ZRANB3: variants seen among roughly 807,000 people sequenced by gnomAD.
ZRANB3 encodes the protein zinc finger RANBP2-type containing 3.
Under a neutral mutation model 133.8 loss-of-function variants are expected in ZRANB3, and 125 were observed. The observed-to-expected ratio is 0.93, with a 90% confidence interval of 0.81 to 1.08. ZRANB3 has a LOEUF of 1.08. ZRANB3 is among the 50% of genes least tolerant of loss of function. ZRANB3 has a pLI of 0.00. For missense variants in ZRANB3, 1,229 were observed against 1,275.5 expected, an observed-to-expected ratio of 0.96 and a Z score of 0.56; for synonymous variants, 387 against 432.7, an observed-to-expected ratio of 0.89 and a Z score of 1.31.
intron 12 of ZRANB3, among the ~76,000 whole-genome samples, chr2:135,245,613 G>C (rs1262439438): frequency 6.6e-6 from 1 of 151,570 alleles, no homozygotes; most frequent in African/African-American, 2.4e-5. Flanking sequence ...CACCATGCCT[G>C]GCTAATTTTT....
intron 2 of ZRANB3, among the ~76,000 whole-genome samples, chr2:135,418,925 C>CTTT (rs769271961): frequency 0.013 from 1,134 of 85,968 alleles, 90 homozygotes; most frequent in East Asian, 0.064. Flanking sequence ...AGGATTCTCT[C>CTTT]TTTTTTTTTT....
rs150725806 is a variant in ZRANB3, at chr2:135,493,922, A to G, written c.161+10407T>C. ...AATAATTGTGACATATTCAGAGGTA[A>G]AACAACATAGATGAAATTGCTAAAA... On this transcript the variant is annotated intron_variant, in intron 2 of 20. Coordinates refer to ENST00000264159, the MANE Select transcript of ZRANB3 (RefSeq NM_032143.4). 3.0e-3 allele frequency among the ~76,000 whole-genome samples: 452 copies of G among 152,316 alleles called. 3 individuals are homozygous for G. The highest frequency in any genetic ancestry group is 0.01 in the African/African-American group (421 of 41,576).
At chr2:135,291,536 G>A (rs1681731496) in intron 8 of ZRANB3, among the ~76,000 whole-genome samples, 1 of 151,246 alleles carries the variant, frequency 6.6e-6, no homozygotes, top group African/African-American at 2.4e-5. Flanking sequence ...ACTTCTTGGA[G>A]GCTATGTTCA....
intron 1 of ZRANB3, among the ~76,000 whole-genome samples, chr2:135,522,789 G>A (rs1465626390): frequency 6.6e-6 from 1 of 152,226 alleles, no homozygotes; most frequent in Non-Finnish European, 1.5e-5. Context: ...CTTGTGACAT[G>A]TAGTAAAGAA....
chr2:135,249,524 A>G (rs1271646875), intron 12 of ZRANB3, among the ~76,000 whole-genome samples: 1 of 152,236 alleles, frequency 6.6e-6, no homozygotes, highest in African/African-American at 2.4e-5. Context: ...GTTCTCACTT[A>G]TAAGTGTGAT....
At chr2:135,226,602 A>G (rs57829242) in intron 14 of ZRANB3, among the ~76,000 whole-genome samples, 47,153 of 152,136 alleles carry the variant, frequency 0.31, 11,315 homozygotes, top group African/African-American at 0.66. Flanking sequence ...TTTTTAAAAA[A>G]CATTTGTAAG....
intron 13 of ZRANB3, among the ~76,000 whole-genome samples, chr2:135,229,190 C>T (rs1187198605): frequency 6.6e-6 from 1 of 152,092 alleles, no homozygotes; most frequent in African/African-American, 2.4e-5. Context: ...AATATAACCA[C>T]TCAGAGGGCA....
At chr2:135,431,420 T>G (rs1689319139) in intron 2 of ZRANB3, among the ~76,000 whole-genome samples, 1 of 151,776 alleles carries the variant, frequency 6.6e-6, no homozygotes, top group Admixed American at 6.6e-5. Flanking sequence ...ATATGTATCT[T>G]TGTGATCTTG....
chr2:135,407,660 A>G (rs1282940033), intron 2 of ZRANB3, among the ~76,000 whole-genome samples: 1 of 151,946 alleles, frequency 6.6e-6, no homozygotes, highest in Non-Finnish European at 1.5e-5. Flanking sequence ...GACCTCAGAA[A>G]TAATGCCGAA....
At chr2:135,313,766 C>T (rs933665728) in intron 7 of ZRANB3, among the ~76,000 whole-genome samples, 161 bp from the exon 8 acceptor site, 48 of 152,242 alleles carry the variant, frequency 3.2e-4, no homozygotes, top group Middle Eastern at 3.4e-3. Context: ...AACATCAATG[C>T]AGAGGTAGGT....
chr2:135,297,959 T>A (rs1682227676), intron 8 of ZRANB3, among the ~76,000 whole-genome samples: 1 of 152,188 alleles, frequency 6.6e-6, no homozygotes, highest in African/African-American at 2.4e-5. Flanking sequence ...CTGGGCTTGG[T>A]AGCTCACGCC....
In ZRANB3 at chr2:135,321,237, C is replaced by T. The variant is rs569854504; in HGVS notation, c.678-5707G>A. Among the ~76,000 whole-genome samples, 245 of 152,232 alleles carry T rather than the reference C, an allele frequency of 1.6e-3. 2 individuals are homozygous for T. The highest frequency in any genetic ancestry group is 3.4e-3 in the Middle Eastern group (1 of 294). Reference sequence around the variant, plus strand: ...CCAAAGTGGTTGAACATTTTGCATTCCCAGCAGCAATGTAAGCAATGTAAT... The same window carrying T: ...CCAAAGTGGTTGAACATTTTGCATTTCCAGCAGCAATGTAAGCAATGTAAT... On this transcript the variant is annotated intron_variant, in intron 6 of 20. Coordinates refer to ENST00000264159, the MANE Select transcript of ZRANB3 (RefSeq NM_032143.4).
At chr2:135,285,726 C>T (rs1681324859) in intron 8 of ZRANB3, among the ~76,000 whole-genome samples, 1 of 152,178 alleles carries the variant, frequency 6.6e-6, no homozygotes, top group African/African-American at 2.4e-5. Context: ...AAATAACTGG[C>T]ATTTCTCCCA....
At chr2:135,530,438 T>G (rs1694476746) in intron 1 of ZRANB3, 1 of 152,158 alleles carries the variant, frequency 6.6e-6, no homozygotes, top group African/African-American at 2.4e-5. Context: ...CACTCTTTCT[T>G]AAAATGCCAT....
Position 135,275,661 on chromosome 2 carries a change from C to T in ZRANB3, c.1061G>A (p.Cys354Tyr). 1 of 1,597,448 alleles carries T rather than the reference C, an allele frequency of 6.3e-7. No homozygotes were observed. Among genetic ancestry groups the T allele is most frequent in the Non-Finnish European group, 8.5e-7 (1 of 1,172,522 alleles). The part of the protein sequence containing the change: ...FAHHLSMLQA[C>Y]TEAVIENKTR... The stretch of plus-strand genomic sequence containing the variant: ...CTTATTTTCGATGACTGCTTCTGTG[C>T]AAGCTTGGAGCATGCTTAAATGGTG... The change falls in exon 9 of 21, where the codon TGC becomes TAC. Residue 354 changes from cysteine to tyrosine, a missense_variant. Physicochemically the swap from Cys to Tyr is radical, Grantham distance 194 (BLOSUM62 -2). Transcript: ENST00000264159.
At position 135,260,106 on chromosome 2, in the gene ZRANB3, C is replaced by T. The variant is rs55844070; in HGVS notation, c.1539+5428G>A. ...CCACTCAGCTTGCTTTATTCAGAAACAGCCTTTCGTTGCTTAGAAATAACA... is the reference window on the plus strand; with the variant it reads ...CCACTCAGCTTGCTTTATTCAGAAATAGCCTTTCGTTGCTTAGAAATAACA... On this transcript the variant is annotated intron_variant, in intron 12 of 20. Coordinates refer to ENST00000264159, the MANE Select transcript of ZRANB3 (RefSeq NM_032143.4). Among the ~76,000 whole-genome samples the T allele has an allele frequency of 4.0e-3, 613 of 152,302 alleles. 5 individuals carry two copies. The highest frequency in any genetic ancestry group is 0.014 in the African/African-American group (581 of 41,556).
chr2:135,321,473 G>GT lies in ZRANB3; in HGVS notation c.678-5944_678-5943insA, dbSNP rs1558915065. Among the ~76,000 whole-genome samples, 407 of 141,024 alleles carry GT rather than the reference G, an allele frequency of 2.9e-3. 3 individuals carry two copies. Among genetic ancestry groups the GT allele is most frequent in the African/African-American group, 0.011 (377 of 34,108 alleles). 92.5% of individuals were successfully genotyped at this position (141,024 alleles called of 152,430 possible). A position where few individuals can be genotyped will look rare whatever the true frequency, so the allele number is the denominator to read the frequency against. On this transcript the variant is annotated intron_variant, in intron 6 of 20. Transcript: ENST00000264159. The stretch of plus-strand genomic sequence containing the variant: ...TTGTTTTCTTATTACTGAGTTTTGG[G>GT]ATTTTTTTTTTTTTTTTTGAGACAG...
rs555307233 is a variant in ZRANB3, at chr2:135,229,121, T to C, written c.1955-1106A>G. On this transcript the variant is annotated intron_variant, in intron 13 of 20. Transcript: ENST00000264159. ...AATCATGCTAATTGTGACAGAGATA[T>C]TACATGGAATAAGCATGTGATTCCA... 7.8e-4 allele frequency among the ~76,000 whole-genome samples: 119 copies of C among 152,248 alleles called. 1 individual carries two copies. The highest frequency in any genetic ancestry group is 2.5e-3 in the African/African-American group (105 of 41,542).
chr2:135,399,684 T>C (rs928350304), intron 2 of ZRANB3, among the ~76,000 whole-genome samples: 1 of 152,238 alleles, frequency 6.6e-6, no homozygotes, highest in African/African-American at 2.4e-5. Flanking sequence ...TAGTATTCTA[T>C]GTTTTTCACT....
Sources: gnomAD v4.1 joint callset for allele counts (sites outside exome capture counted in the v4.1 genomes callset) on GRCh38, gnomAD v4.1.1 for gene constraint, MANE v1.5 for transcripts, NCBI Gene and HGNC (gene_info 2026-07-23, HGNC 2026-07-21) for gene names.